Variants in GLI3 observed in about 807,000 individuals in gnomAD.
The protein encoded by GLI3 is GLI family zinc finger 3, also known as transcription activator GLI3.
A neutral mutation model predicts 100.8 loss-of-function variants in GLI3; 20 were observed. The observed-to-expected ratio is 0.20, with a 90% CI of 0.14 to 0.29. The LOEUF is 0.29. Among genes scored for constraint, GLI3 ranks in the 10% least tolerant of loss-of-function variants. The pLI, the probability that GLI3 is intolerant of heterozygous loss-of-function variation, is 1.00. For missense variants in GLI3, 2,040 were observed against 2,128.5 expected, an observed-to-expected ratio of 0.96 and a Z score of 0.82; for synonymous variants, 938 against 860.5, an observed-to-expected ratio of 1.09 and a Z score of -1.58.
At chr7:42,010,600 CAT>C (rs1451140685) in intron 10 of GLI3, among the ~76,000 whole-genome samples, 4 of 152,140 alleles carry the variant, frequency 2.6e-5, no homozygotes, top group East Asian at 1.9e-4. Context: ...TGGCCATAAA[CAT>C]GTGGGAAAAT....
chr7:42,261,152 T>A (rs1439394125), intron 1 of GLI3, among the ~76,000 whole-genome samples: 1 of 151,402 alleles, frequency 6.6e-6, no homozygotes, highest in Non-Finnish European at 1.5e-5. Context: ...AAGGCAAAGG[T>A]GGAGCAGGCA....
chr7:42,151,009 A>T (rs1410951443), intron 2 of GLI3, among the ~76,000 whole-genome samples: 1 of 152,222 alleles, frequency 6.6e-6, no homozygotes, highest in Non-Finnish European at 1.5e-5. Context: ...TAAATATTAA[A>T]GTTATAACAA....
Position 42,045,398 on chromosome 7 carries a change from A to G in GLI3, c.812T>C (p.Leu271Pro), listed in dbSNP as rs775236579. The G allele has an allele frequency of 1.9e-6, 3 of 1,613,960 alleles. No individual in the cohort carries two copies. In the African/African-American group the frequency reaches 4.0e-5, roughly 22 times the overall value. Residue 271 changes from leucine to proline, a missense_variant, in exon 6 of 15, where the codon CTT (leucine) becomes CCT (proline). By Grantham distance (98) the Leu-to-Pro change is moderately conservative. Transcript: ENST00000395925. ...AGTGAIHMEYLHAMDSTRFSS... is the reference protein window; with the variant it reads ...AGTGAIHMEYPHAMDSTRFSS... The stretch of plus-strand genomic sequence containing the variant: ...CCGTCACTTACTATCCATAGCATGA[A>G]GATATTCCATGTGGATGGCCCCCGT...
Position 42,201,100 on chromosome 7 carries a change from C to T in GLI3, c.124+22030G>A, listed in dbSNP as rs557103898. ...TTCTTATAAATATATACTTACGATA[C>T]CGTTTAGTCTATCGATTAGGCACAG... On this transcript the variant is annotated intron_variant, in intron 2 of 14. Transcript: ENST00000395925. Among the ~76,000 whole-genome samples, 66 of 152,168 alleles carry T rather than the reference C, an allele frequency of 4.3e-4. No individual in the cohort carries two copies. In the South Asian group the frequency reaches 8.9e-3, roughly 21 times the overall value.
At chr7:42,171,281 A>G (rs1460255523) in intron 2 of GLI3, among the ~76,000 whole-genome samples, 2 of 152,220 alleles carry the variant, frequency 1.3e-5, no homozygotes, top group African/African-American at 4.8e-5. Flanking sequence ...ACATTTTAAC[A>G]CTTCTTCCCA....
rs1784776777 is a variant in GLI3, at chr7:42,071,170, C to T, written c.473+5582G>A. On this transcript the variant is annotated intron_variant, in intron 4 of 14. Coordinates refer to ENST00000395925, the MANE Select transcript of GLI3 (RefSeq NM_000168.6). ...AAGAAATACACAGATCGTCTTCACC[C>T]TGAGAGATGTAATTATAATTTAGTT... Among the ~76,000 whole-genome samples the T allele has an allele frequency of 2.0e-5, 3 of 152,084 alleles. No individual in the cohort carries two copies. The South Asian group carries it at 6.2e-4, about 32-fold the overall frequency.
At chr7:42,115,619 C>A (rs3801184) in intron 3 of GLI3, among the ~76,000 whole-genome samples, 76,759 of 151,996 alleles carry the variant, frequency 0.51, 20,953 homozygotes, top group East Asian at 0.71. Flanking sequence ...TGAGGTCCTA[C>A]ACCTATTTCC....
intron 3 of GLI3, among the ~76,000 whole-genome samples, chr7:42,123,633 A>G (rs370738536): frequency 1.1e-4 from 17 of 152,354 alleles, no homozygotes; most frequent in African/African-American, 3.8e-4. Flanking sequence ...GGAAAGTACT[A>G]AATTGATGTC....
intron 2 of GLI3, among the ~76,000 whole-genome samples, chr7:42,195,110 T>C (rs1173302557): frequency 6.6e-6 from 1 of 152,060 alleles, no homozygotes; most frequent in African/African-American, 2.4e-5. Flanking sequence ...ACCAATGAAG[T>C]CTAAGCCATC....
chr7:42,050,407 T>C (rs1430632110), intron 4 of GLI3, among the ~76,000 whole-genome samples: 1 of 152,244 alleles, frequency 6.6e-6, no homozygotes, highest in Non-Finnish European at 1.5e-5. Flanking sequence ...ATTTTAGCTC[T>C]TTACTACAAA....
At chr7:42,204,040 T>C (rs574680676) in intron 2 of GLI3, among the ~76,000 whole-genome samples, 1 of 152,132 alleles carries the variant, frequency 6.6e-6, no homozygotes, top group South Asian at 2.1e-4. Context: ...TCACATTCAT[T>C]CTCCCCACTC....
At chr7:42,028,976 G>A (rs1245036977) in intron 7 of GLI3, among the ~76,000 whole-genome samples, 1 of 152,074 alleles carries the variant, frequency 6.6e-6, no homozygotes, top group Non-Finnish European at 1.5e-5. Flanking sequence ...CCACCTTTTT[G>A]CTGGTAAAAC....
At position 41,978,123 on chromosome 7, in the gene GLI3, C is replaced by T. The variant is rs555348643; in HGVS notation, c.1648-401G>A. On this transcript the variant is annotated intron_variant, in intron 11 of 14. Coordinates refer to ENST00000395925, the MANE Select transcript of GLI3 (RefSeq NM_000168.6). ...GCCTTTAAGATGTAAAGTACCAGGGCTCAGCGTGCCCAGTGCGCCTCGTGG... is the reference window on the plus strand; with the variant it reads ...GCCTTTAAGATGTAAAGTACCAGGGTTCAGCGTGCCCAGTGCGCCTCGTGG... Among the ~76,000 whole-genome samples, 13 of 152,320 alleles carry T rather than the reference C, an allele frequency of 8.5e-5. No homozygotes were observed. In the South Asian group the frequency reaches 2.5e-3, roughly 29 times the overall value.
At chr7:42,076,056 G>A (rs1784873144) in intron 4 of GLI3, among the ~76,000 whole-genome samples, 1 of 152,160 alleles carries the variant, frequency 6.6e-6, no homozygotes, top group South Asian at 2.1e-4. Flanking sequence ...CCCAGAGAGT[G>A]GCTCCAATTA....
In GLI3 at chr7:42,104,728, A is replaced by C. The variant is rs117297514; in HGVS notation, c.368-27871T>G. Among the ~76,000 whole-genome samples the C allele has an allele frequency of 3.8e-3, 575 of 152,282 alleles. 1 individual carries two copies. The highest frequency in any genetic ancestry group is 0.015 in the South Asian group (71 of 4,810). Reference sequence around the variant, plus strand: ...AATCCCCAATGTAATGGTATTTGGCAGTATGGCAACTGGGAGGTGTTCATA... The same window carrying C: ...AATCCCCAATGTAATGGTATTTGGCCGTATGGCAACTGGGAGGTGTTCATA... On this transcript the variant is annotated intron_variant, in intron 3 of 14. Transcript: ENST00000395925.
chr7:42,031,434 A>T (rs1789294772), intron 7 of GLI3, among the ~76,000 whole-genome samples: 1 of 152,166 alleles, frequency 6.6e-6, no homozygotes, highest in Admixed American at 6.5e-5. Context: ...AGTGTAATGG[A>T]GAGAAAGAGA....
At chr7:42,190,438 G>A (rs896275803) in intron 2 of GLI3, among the ~76,000 whole-genome samples, 18 of 152,134 alleles carry the variant, frequency 1.2e-4, no homozygotes, top group African/African-American at 4.1e-4. Flanking sequence ...AAAATTCTAT[G>A]CAATTAAATT....
At chr7:42,118,087 T>A (rs966517098) in intron 3 of GLI3, 12 of 368,758 alleles carry the variant, frequency 3.3e-5, no homozygotes, top group Non-Finnish European at 5.3e-5. Context: ...ATACAGGGAT[T>A]TTTTTCTTTT....
rs376122107 is a variant in GLI3, at chr7:42,169,988, T to G, written c.125-21520A>C. Among the ~76,000 whole-genome samples, 16 of 151,384 alleles carry G rather than the reference T, an allele frequency of 1.1e-4. No homozygotes were observed. In the East Asian group the frequency reaches 2.7e-3, roughly 26 times the overall value. On this transcript the variant is annotated intron_variant, in intron 2 of 14. Transcript: ENST00000395925. ...AAAAAAAAAATCAGGCCAGGCACAG[T>G]GGCTCACGCCTGTAATCACAGTACT...
Sources: allele counts gnomAD v4.1 joint callset (sites outside exome capture counted in the v4.1 genomes callset), GRCh38; gene constraint gnomAD v4.1.1; transcripts MANE v1.5; gene names NCBI Gene and HGNC (gene_info 2026-07-23, HGNC 2026-07-21).